Variants in GIPC3 observed in about 807,000 individuals in gnomAD.
GIPC3 encodes PDZ domain-containing protein GIPC3.
A neutral mutation model predicts 27.3 loss-of-function variants in GIPC3; 16 were observed. The ratio of observed to expected loss-of-function variants is 0.59; its 90% CI spans 0.40 to 0.89. GIPC3 has a LOEUF of 0.89. Ranked by LOEUF, GIPC3 falls within the 40% of genes least tolerant of loss-of-function variation. The pLI is 0.00. For synonymous variants in GIPC3, 194 were observed against 184.6 expected (o/e 1.05, Z -0.41); for missense variants, 440 against 442.1 (o/e 1.00, Z 0.04).
rs1265485164 is a variant in GIPC3 at position 3,589,782 on chromosome 19, G to C, written c.706-49G>C. Reference sequence around the variant, plus strand: ...TGGGGGTCGGGAGGGGGCTGGGCTGGAGGGCTCCAAAGCTTTTCACCCCTG... The same window carrying C: ...TGGGGGTCGGGAGGGGGCTGGGCTGCAGGGCTCCAAAGCTTTTCACCCCTG... On this transcript the variant is annotated intron_variant, in intron 4 of 5. Transcript: ENST00000644452. 2.5e-6 allele frequency: 4 copies of C among 1,583,208 alleles called. No individual in the cohort carries two copies. The South Asian group carries it at 3.3e-5, about 13-fold the overall frequency.
rs532510271 is a variant in GIPC3 at position 3,593,094 on chromosome 19, C to T, written c.*2904C>T. 6 of 1,232,642 alleles carry T rather than the reference C, an allele frequency of 4.9e-6. No homozygotes were observed. The South Asian group carries it at 1.6e-4, about 34-fold the overall frequency. 76.4% of individuals were successfully genotyped at this position (1,232,642 alleles called of 1,614,324 possible). On this transcript the variant is annotated 3_prime_UTR_variant, in exon 6 of 6. Transcript: ENST00000644452. ...ACAGTCACAGGTCTCCTCAACCCCCCAGAAGCCAGCCGTCTCTCCCAAGCC... is the reference window on the plus strand; with the variant it reads ...ACAGTCACAGGTCTCCTCAACCCCCTAGAAGCCAGCCGTCTCTCCCAAGCC...
Position 3,585,720 on chromosome 19 carries a change from G to A in GIPC3, c.123G>A (p.Thr41=). The change falls in exon 1 of 6, where the codon ACG becomes ACA. Residue 41 remains threonine, a synonymous_variant. Coordinates refer to ENST00000644452, the MANE Select transcript of GIPC3 (RefSeq NM_133261.3). ...PRARPRLVFR[T]QLAHGSPTGK... ...CCCGCCCGCGCCTCGTCTTCCGCACGCAGCTGGCGCACGGGAGCCCCACGG... is the reference window on the plus strand; with the variant it reads ...CCCGCCCGCGCCTCGTCTTCCGCACACAGCTGGCGCACGGGAGCCCCACGG... The A allele has an allele frequency of 6.7e-7, 1 of 1,481,942 alleles. No individual in the cohort carries two copies. The highest frequency in any genetic ancestry group is 9.0e-7 in the Non-Finnish European group (1 of 1,111,388). The allele number at this position is 1,481,942 out of a possible 1,614,324, so 91.8% of individuals were successfully genotyped here.
rs1048880976 is a variant in GIPC3, at chr19:3,590,400, G to C, written c.*210G>C. 8.8e-5 allele frequency: 126 copies of C among 1,432,888 alleles called. No homozygotes were observed. The highest frequency in any genetic ancestry group is 1.1e-4 in the Non-Finnish European group (122 of 1,098,018). The allele number at this position is 1,432,888 out of a possible 1,614,324, so 88.8% of individuals were successfully genotyped here. On this transcript the variant is annotated 3_prime_UTR_variant, in exon 6 of 6. Transcript: ENST00000644452. ...ATGTGCTAGAGCCCAGGCCAGCTCT[G>C]AGACCAAGCCCAGCATTGAGAATAA...
At chr19:3,587,365 T>A (rs1174880967) in intron 3 of GIPC3, among the ~76,000 whole-genome samples, 1 of 152,196 alleles carries the variant, frequency 6.6e-6, no homozygotes, top group Non-Finnish European at 1.5e-5. Context: ...CACTGCAATC[T>A]CCACCTCCCG....
chr19:3,591,348 C>A lies in GIPC3; in HGVS notation c.*1158C>A. ...CAAGCCAAACTCTGGAACCCAGACA[C>A]ATTTTAAGACCCAGACCAGCTTGGA... On this transcript the variant is annotated 3_prime_UTR_variant, in exon 6 of 6. Transcript: ENST00000644452. 3 of 1,232,372 alleles carry A rather than the reference C, an allele frequency of 2.4e-6. No individual in the cohort carries two copies. Among genetic ancestry groups the A allele is most frequent in the Non-Finnish European group, 3.0e-6 (3 of 988,248 alleles). 76.3% of individuals were successfully genotyped at this position (1,232,372 alleles called of 1,614,324 possible). A position where few individuals can be genotyped will look rare whatever the true frequency, so the allele number is the denominator to read the frequency against.
chr19:3,593,108 C>G lies in GIPC3; in HGVS notation c.*2918C>G, dbSNP rs926125790. ...CCTCAACCCCCCAGAAGCCAGCCGT[C>G]TCTCCCAAGCCCCGGGTGGGACCCC... On this transcript the variant is annotated 3_prime_UTR_variant, in exon 6 of 6. Transcript: ENST00000644452. 11 of 1,232,560 alleles carry G rather than the reference C, an allele frequency of 8.9e-6. No homozygotes were observed. Among genetic ancestry groups the G allele is most frequent in the Middle Eastern group, 3.1e-4 (1 of 3,230 alleles). 76.4% of individuals were successfully genotyped at this position (1,232,560 alleles called of 1,614,324 possible).
Position 3,589,551 on chromosome 19 carries a change from A to T in GIPC3, c.701A>T (p.Glu234Val). 1 of 1,612,490 alleles carries T rather than the reference A, an allele frequency of 6.2e-7. No individual in the cohort carries two copies. The highest frequency in any genetic ancestry group is 8.5e-7 in the Non-Finnish European group (1 of 1,178,762). Residue 234 changes from glutamate (E) to valine (V), a missense_variant, in exon 4 of 6, where the codon GAA becomes GTA. Coordinates refer to ENST00000644452, the MANE Select transcript of GIPC3 (RefSeq NM_133261.3). ...LRSGGAATVE[E>V]APSEFEEEAS... The stretch of plus-strand genomic sequence containing the variant: ...TCTGGGGGGGCTGCCACAGTGGAGG[A>T]AGCGGTGAGTGAAGGGGAGGGGCTC...
In GIPC3 at chr19:3,586,822, G is replaced by A; in HGVS notation, c.420G>A (p.Lys140=). ...ACGCTGGATCCCTGCAGAGAATCAA[G>A]GAAGGCAGTATCATCAACCGGATCG... ...GAGYAFIKRI[K]EGSIINRIEA... is the part of the protein sequence containing the mutation. Residue 140 remains lysine (K), a synonymous_variant, in exon 3 of 6, where the codon AAG becomes AAA. Coordinates refer to ENST00000644452, the MANE Select transcript of GIPC3 (RefSeq NM_133261.3). 6.2e-7 allele frequency: 1 copy of A among 1,613,606 alleles called. No homozygotes were observed. The highest frequency in any genetic ancestry group is 8.5e-7 in the Non-Finnish European group (1 of 1,179,980).
chr19:3,591,459 T>C lies in GIPC3; in HGVS notation c.*1269T>C. The C allele has an allele frequency of 8.1e-7, 1 of 1,232,242 alleles. No homozygotes were observed. Among genetic ancestry groups the C allele is most frequent in the East Asian group, 3.2e-5 (1 of 31,700 alleles). The allele number at this position is 1,232,242 out of a possible 1,614,324, so 76.3% of individuals were successfully genotyped here. Reference sequence around the variant, plus strand: ...AGCTGACTCTGGAACTCTGGACAGCTCCACGATGCAGCCACACCTGGACAC... The same window carrying C: ...AGCTGACTCTGGAACTCTGGACAGCCCCACGATGCAGCCACACCTGGACAC... On this transcript the variant is annotated 3_prime_UTR_variant, in exon 6 of 6. Coordinates refer to ENST00000644452, the MANE Select transcript of GIPC3 (RefSeq NM_133261.3).
Position 3,591,024 on chromosome 19 carries a change from A to C in GIPC3, c.*834A>C, listed in dbSNP as rs2032480470. The C allele has an allele frequency of 5.7e-6, 7 of 1,233,676 alleles. No homozygotes were observed. The highest frequency in any genetic ancestry group is 1.6e-5 in the African/African-American group (1 of 64,356). The allele number at this position is 1,233,676 out of a possible 1,614,324, so 76.4% of individuals were successfully genotyped here. On this transcript the variant is annotated 3_prime_UTR_variant, in exon 6 of 6. Coordinates refer to ENST00000644452, the MANE Select transcript of GIPC3 (RefSeq NM_133261.3). ...CAAGCCCAGCTCTAGAACCCAGATA[A>C]GCTCTGAAACCAAGCCCAGCATAGA...
chr19:3,591,118 C>T lies in GIPC3; in HGVS notation c.*928C>T. ...CCCAGCTCTAGAACTCAGGTCAGCC[C>T]TGAGACCAAGCCCAGCTCTAGAACC... On this transcript the variant is annotated 3_prime_UTR_variant, in exon 6 of 6. Transcript: ENST00000644452. The T allele has an allele frequency of 8.1e-7, 1 of 1,233,616 alleles. No individual in the cohort carries two copies. Among genetic ancestry groups the T allele is most frequent in the Non-Finnish European group, 1.0e-6 (1 of 989,038 alleles). The allele number at this position is 1,233,616 out of a possible 1,614,324, so 76.4% of individuals were successfully genotyped here. A position where few individuals can be genotyped will look rare whatever the true frequency, so the allele number is the denominator to read the frequency against.
chr19:3,586,134 G>A (rs1451661937), intron 1 of GIPC3, among the ~76,000 whole-genome samples: 1 of 152,198 alleles, frequency 6.6e-6, no homozygotes, highest in African/African-American at 2.4e-5. Flanking sequence ...GTGCTTCCTG[G>A]GCGTAGCTGG....
In GIPC3 at chr19:3,585,591, TC is replaced by T; in HGVS notation, c.-4del. 2 of 1,147,698 alleles carry T rather than the reference TC, an allele frequency of 1.7e-6. No individual in the cohort carries two copies. The highest frequency in any genetic ancestry group is 2.1e-6 in the Non-Finnish European group (2 of 934,730). The allele number at this position is 1,147,698 out of a possible 1,614,324, so 71.1% of individuals were successfully genotyped here. The stretch of plus-strand genomic sequence containing the variant: ...GGGCCCGGGTGGGTGGCCGAACTTC[TC>T]CCGCCATGGAGGGAGCAGCGGCCCG... On this transcript the variant is annotated 5_prime_UTR_variant, in exon 1 of 6. Transcript: ENST00000644452.
intron 2 of GIPC3, 53 bp downstream of exon 2, chr19:3,586,733 C>A (rs1482126096): frequency 2.5e-6 from 4 of 1,610,892 alleles, no homozygotes; most frequent in South Asian, 1.1e-5. Context: ...AACTGCCCCC[C>A]CCACTCTGGG....
In GIPC3 at chr19:3,585,762, C is replaced by T; in HGVS notation, c.165C>T (p.Phe55=). ...HGSPTGKIEG[F]TNVRELYAKI... is the part of the protein sequence containing the mutation. Reference sequence around the variant, plus strand: ...GCCCCACGGGCAAGATCGAGGGCTTCACCAACGTCCGCGAGCTGTACGCCA... The same window carrying T: ...GCCCCACGGGCAAGATCGAGGGCTTTACCAACGTCCGCGAGCTGTACGCCA... Residue 55 remains phenylalanine, a synonymous_variant, in exon 1 of 6, where the codon TTC becomes TTT. Coordinates refer to ENST00000644452, the MANE Select transcript of GIPC3 (RefSeq NM_133261.3). The T allele has an allele frequency of 6.5e-7, 1 of 1,547,330 alleles. No homozygotes were observed. The highest frequency in any genetic ancestry group is 8.7e-7 in the Non-Finnish European group (1 of 1,146,088).
In GIPC3 at chr19:3,592,058, G is replaced by C; in HGVS notation, c.*1868G>C. 1.6e-6 allele frequency: 2 copies of C among 1,232,128 alleles called. No homozygotes were observed. Among genetic ancestry groups the C allele is most frequent in the Non-Finnish European group, 2.0e-6 (2 of 988,120 alleles). 76.3% of individuals were successfully genotyped at this position (1,232,128 alleles called of 1,614,324 possible). On this transcript the variant is annotated 3_prime_UTR_variant, in exon 6 of 6. Transcript: ENST00000644452. Reference sequence around the variant, plus strand: ...GCTCCAAAACACAGACAGCAGCTGAGACCCAGCCAAGTTCCAGAATCCAGC... The same window carrying C: ...GCTCCAAAACACAGACAGCAGCTGACACCCAGCCAAGTTCCAGAATCCAGC...
chr19:3,590,315 C>A lies in GIPC3; in HGVS notation c.*125C>A. ...CTAGAACCCAATCCAATTTGGAGCC[C>A]CAGCCCAACTCCAGAACCCAACCCT... On this transcript the variant is annotated 3_prime_UTR_variant, in exon 6 of 6. Transcript: ENST00000644452. 1 of 1,458,826 alleles carries A rather than the reference C, an allele frequency of 6.9e-7. No individual in the cohort carries two copies. The highest frequency in any genetic ancestry group is 9.0e-7 in the Non-Finnish European group (1 of 1,105,516). The allele number at this position is 1,458,826 out of a possible 1,614,324, so 90.4% of individuals were successfully genotyped here. A position where few individuals can be genotyped will look rare whatever the true frequency, so the allele number is the denominator to read the frequency against.
intron 2 of GIPC3, 62 bp from the exon 3 acceptor site, chr19:3,586,752 G>C (rs2032374163): frequency 6.2e-7 from 1 of 1,611,932 alleles, no homozygotes. Flanking sequence ...GGTCGACGTG[G>C]GTTCTGCGGA....
rs1241668267 is a variant in GIPC3 at position 3,592,488 on chromosome 19, G to A, written c.*2298G>A. 2.5e-5 allele frequency: 31 copies of A among 1,231,754 alleles called. No individual in the cohort carries two copies. In the South Asian group the frequency reaches 4.9e-4, roughly 20 times the overall value. 76.3% of individuals were successfully genotyped at this position (1,231,754 alleles called of 1,614,324 possible). A position where few individuals can be genotyped will look rare whatever the true frequency, so the allele number is the denominator to read the frequency against. ...TAGTTCTGGAAACCAGCTCAGCTCC[G>A]GGACCCAGACCACTGCAAGAATTCA... On this transcript the variant is annotated 3_prime_UTR_variant, in exon 6 of 6. Transcript: ENST00000644452.
Sources: gnomAD v4.1 joint callset for allele counts (sites outside exome capture counted in the v4.1 genomes callset) on GRCh38, gnomAD v4.1.1 for gene constraint, MANE v1.5 for transcripts, NCBI Gene and HGNC (gene_info 2026-07-23, HGNC 2026-07-21) for gene names.